Variants in DPYSL2 observed in about 807,000 individuals in gnomAD.
The protein encoded by DPYSL2 is dihydropyrimidinase like 2.
DPYSL2 carries 13 observed loss-of-function variants against 69.9 expected under a neutral mutation model. The observed-to-expected ratio is 0.19, with a 90% CI of 0.12 to 0.30. DPYSL2 has a LOEUF of 0.30. Among genes scored for constraint, DPYSL2 ranks in the 10% least tolerant of loss-of-function variants. The pLI, the probability that DPYSL2 is intolerant of heterozygous loss-of-function variation, is 1.00. For missense variants in DPYSL2, 587 were observed against 918.9 expected (o/e 0.64, Z 4.67); for synonymous variants, 326 against 359.1 (o/e 0.91, Z 1.04).
At chr8:26,579,615 G>A (rs920696) in intron 1 of DPYSL2, among the ~76,000 whole-genome samples, 135,348 of 152,174 alleles carry the variant, frequency 0.89, 60,516 homozygotes, top group East Asian at 0.98. Context: ...ACCCATCCGC[G>A]GGAGAGAGAA....
chr8:26,515,190 C>T (rs1167810185), intron 1 of DPYSL2, among the ~76,000 whole-genome samples: 1 of 152,232 alleles, frequency 6.6e-6, no homozygotes, highest in Non-Finnish European at 1.5e-5. Context: ...ACGTCCCGAG[C>T]TCCGAGGCCA....
intron 8 of DPYSL2, among the ~76,000 whole-genome samples, chr8:26,638,458 G>A (rs776898771): frequency 1.3e-5 from 2 of 152,304 alleles, no homozygotes; most frequent in Admixed American, 1.3e-4. Flanking sequence ...AGAGAAGTTC[G>A]GGGAAGTGAG....
chr8:26,577,819 T>C lies in DPYSL2; in HGVS notation c.355-4150T>C, dbSNP rs536294131. ...CCGCGCCCCGCCCCACCGGCCTAAA[T>C]TTGCATATCCCAGGATCGCGGCCAA... On this transcript the variant is annotated intron_variant, in intron 1 of 13. Transcript: ENST00000521913. 8.7e-5 allele frequency: 87 copies of C among 998,624 alleles called. No homozygotes were observed. The South Asian group carries it at 3.4e-3, about 39-fold the overall frequency. 61.9% of individuals were successfully genotyped at this position (998,624 alleles called of 1,614,324 possible). A position where few individuals can be genotyped will look rare whatever the true frequency, so the allele number is the denominator to read the frequency against.
chr8:26,640,670 T>G lies in DPYSL2; in HGVS notation c.1127-2769T>G, dbSNP rs1319655528. ...AACATGATGGCTAAACTCCTGTCGC[T>G]GATTCTGGGCTAAGAAAGAAAGAAA... On this transcript the variant is annotated intron_variant, in intron 8 of 13. Transcript: ENST00000521913. This position sits in a 1 kb window ranked among gnomAD's most constrained non-coding sequence, Gnocchi z 4.2. 6.6e-6 allele frequency among the ~76,000 whole-genome samples: 1 copy of G among 152,118 alleles called. No individual in the cohort carries two copies. The highest frequency in any genetic ancestry group is 6.5e-5 in the Admixed American group (1 of 15,280).
rs1347839390 is a variant in DPYSL2 at position 26,593,979 on chromosome 8, T to C, written c.628+9996T>C. The stretch of plus-strand genomic sequence containing the variant: ...TGGACTCTTAAGGCAGCCATTCACC[T>C]CCTTCCCAGCCCCGCTCCCACAGCT... On this transcript the variant is annotated intron_variant, in intron 3 of 13. Coordinates refer to ENST00000521913, the MANE Select transcript of DPYSL2 (RefSeq NM_001197293.3). This position sits in a 1 kb window ranked among gnomAD's most constrained non-coding sequence, Gnocchi z 5.7. 2.0e-5 allele frequency among the ~76,000 whole-genome samples: 3 copies of C among 152,158 alleles called. No individual in the cohort carries two copies. The highest frequency in any genetic ancestry group is 4.4e-5 in the Non-Finnish European group (3 of 68,022).
rs1347219128 is a variant in DPYSL2, at chr8:26,605,234, C to T, written c.629-18909C>T. ...GTTATCACTACTGTTTAACATGGTT[C>T]CGGATATGTTAGCCAGTGTAATAAG... On this transcript the variant is annotated intron_variant, in intron 3 of 13. Coordinates refer to ENST00000521913, the MANE Select transcript of DPYSL2 (RefSeq NM_001197293.3). The surrounding 1 kb of genome is among the most constrained non-coding windows in gnomAD (Gnocchi z 4.1). 6.6e-6 allele frequency among the ~76,000 whole-genome samples: 1 copy of T among 151,680 alleles called. No homozygotes were observed. Among genetic ancestry groups the T allele is most frequent in the African/African-American group, 2.4e-5 (1 of 41,236 alleles).
At position 26,641,363 on chromosome 8, in the gene DPYSL2, G is replaced by A. The variant is rs563618044; in HGVS notation, c.1127-2076G>A. On this transcript the variant is annotated intron_variant, in intron 8 of 13. Coordinates refer to ENST00000521913, the MANE Select transcript of DPYSL2 (RefSeq NM_001197293.3). This position sits in a 1 kb window ranked among gnomAD's most constrained non-coding sequence, Gnocchi z 4.1. ...TACACAGCCCTCACCTTTGTGCTTAGATGGACTGTGGCCAGCGGGACCTCC... is the reference window on the plus strand; with the variant it reads ...TACACAGCCCTCACCTTTGTGCTTAAATGGACTGTGGCCAGCGGGACCTCC... Among the ~76,000 whole-genome samples the A allele has an allele frequency of 1.3e-5, 2 of 152,364 alleles. No individual in the cohort carries two copies. Among genetic ancestry groups the A allele is most frequent in the South Asian group, 4.1e-4 (2 of 4,834 alleles).
intron 1 of DPYSL2, among the ~76,000 whole-genome samples, chr8:26,540,973 T>A (rs1310789592): frequency 2.0e-5 from 3 of 151,646 alleles, no homozygotes; most frequent in African/African-American, 7.3e-5. Context: ...AAATTGTAAG[T>A]TGAACCATCA....
chr8:26,570,045 A>G (rs1801213251), intron 1 of DPYSL2, among the ~76,000 whole-genome samples: 2 of 152,136 alleles, frequency 1.3e-5, no homozygotes, highest in Non-Finnish European at 2.9e-5. Context: ...ATAAAAGTAA[A>G]AAATTTAAAA....
intron 3 of DPYSL2, among the ~76,000 whole-genome samples, chr8:26,601,308 A>T (rs544502573): frequency 1.3e-5 from 2 of 152,274 alleles, no homozygotes; most frequent in East Asian, 3.9e-4. Flanking sequence ...GATGATGGTC[A>T]TCTGGCTCCG....
chr8:26,566,993 T>A (rs1474323809), intron 1 of DPYSL2, among the ~76,000 whole-genome samples: 12 of 151,582 alleles, frequency 7.9e-5, no homozygotes, highest in African/African-American at 2.9e-4. Flanking sequence ...TGTCTATCCA[T>A]CTATTCATCC....
intron 13 of DPYSL2, among the ~76,000 whole-genome samples, 190 bp from the exon 14 acceptor site, chr8:26,655,425 G>A (rs528553198): frequency 6.6e-6 from 1 of 152,282 alleles, no homozygotes; most frequent in Admixed American, 6.5e-5. Flanking sequence ...AAGCCCAGGA[G>A]ATTGAGGCTG....
rs1486239774 is a variant in DPYSL2 at position 26,605,806 on chromosome 8, T to C, written c.629-18337T>C. Among the ~76,000 whole-genome samples, 1 of 152,154 alleles carries C rather than the reference T, an allele frequency of 6.6e-6. No individual in the cohort carries two copies. Among genetic ancestry groups the C allele is most frequent in the Non-Finnish European group, 1.5e-5 (1 of 68,020 alleles). ...TATATATGGAATCCAAGAAGAGTCT[T>C]AAATAAATTAAAAGAAATGCTATGT... On this transcript the variant is annotated intron_variant, in intron 3 of 13. Transcript: ENST00000521913. This position sits in a 1 kb window ranked among gnomAD's most constrained non-coding sequence, Gnocchi z 4.1.
chr8:26,578,434 A>G, intron 1 of DPYSL2: 1 of 1,527,580 alleles, frequency 6.5e-7, no homozygotes, highest in African/African-American at 1.4e-5. Flanking sequence ...GGCGATGGTG[A>G]TGGTGGTGGT....
chr8:26,643,684 A>G lies in DPYSL2; in HGVS notation c.1283+89A>G, dbSNP rs1055218217. 2 of 1,578,100 alleles carry G rather than the reference A, an allele frequency of 1.3e-6. No homozygotes were observed. The highest frequency in any genetic ancestry group is 1.7e-6 in the Non-Finnish European group (2 of 1,153,752). Reference sequence around the variant, plus strand: ...AGGCGAAAACAACATGGTGGCCAAGAGCAGCCATAAAACTGGGAGACCCTT... The same window carrying G: ...AGGCGAAAACAACATGGTGGCCAAGGGCAGCCATAAAACTGGGAGACCCTT... On this transcript the variant is annotated intron_variant, in intron 9 of 13. Coordinates refer to ENST00000521913, the MANE Select transcript of DPYSL2 (RefSeq NM_001197293.3). The surrounding 1 kb of genome is among the most constrained non-coding windows in gnomAD (Gnocchi z 6.5).
At chr8:26,515,493 T>A (rs755525624) in intron 1 of DPYSL2, among the ~76,000 whole-genome samples, 12 of 152,184 alleles carry the variant, frequency 7.9e-5, no homozygotes, top group Non-Finnish European at 1.6e-4. Context: ...CGAAATAGAC[T>A]GTCGAAGAAG....
Position 26,650,647 on chromosome 8 carries a change from A to C in DPYSL2, c.1597-1610A>C, listed in dbSNP as rs1488165185. Among the ~76,000 whole-genome samples the C allele has an allele frequency of 6.6e-6, 1 of 152,244 alleles. No homozygotes were observed. The highest frequency in any genetic ancestry group is 1.5e-5 in the Non-Finnish European group (1 of 68,042). The stretch of plus-strand genomic sequence containing the variant: ...TACCACGATGAAAGAAAACATGCCC[A>C]AGACGAGGAGTCTCATAGGAGACTG... On this transcript the variant is annotated intron_variant, in intron 11 of 13. Transcript: ENST00000521913. This position sits in a 1 kb window ranked among gnomAD's most constrained non-coding sequence, Gnocchi z 5.3.
Position 26,634,895 on chromosome 8 carries a change from A to G in DPYSL2, c.1121A>G (p.Lys374Arg), listed in dbSNP as rs748387219. 3 of 1,614,022 alleles carry G rather than the reference A, an allele frequency of 1.9e-6. No individual in the cohort carries two copies. Among genetic ancestry groups the G allele is most frequent in the African/African-American group, 1.3e-5 (1 of 74,940 alleles). ...SSAEVIAQAR[K>R]KGTVVYGEPI... ...GCTGAGGTCATCGCCCAGGCACGGA[A>G]GAAGGGTGAGTGCTGTGGCCGGACT... The change falls in exon 8 of 14, where the codon AAG (lysine) becomes AGG (arginine). Residue 374 changes from lysine (K) to arginine (R), a missense_variant. Lys to Arg is a conservative substitution (Grantham distance 26). This residue lies in a region of DPYSL2 where 452 missense variants were observed against 754.3 expected (regional missense o/e 0.60). Coordinates refer to ENST00000521913, the MANE Select transcript of DPYSL2 (RefSeq NM_001197293.3).
chr8:26,550,661 G>A (rs993872912), intron 1 of DPYSL2, among the ~76,000 whole-genome samples: 1 of 152,190 alleles, frequency 6.6e-6, no homozygotes, highest in Non-Finnish European at 1.5e-5. Flanking sequence ...TAGACTGATA[G>A]ATGACAAGTG....
Sources: allele counts gnomAD v4.1 joint callset (sites outside exome capture counted in the v4.1 genomes callset), GRCh38; gene constraint gnomAD v4.1.1; regional missense constraint gnomAD v4.1.1; non-coding constraint Gnocchi (gnomAD v3.1); transcripts MANE v1.5; gene names NCBI Gene and HGNC (gene_info 2026-07-23, HGNC 2026-07-21).